CCDC7: variants seen among roughly 807,000 people sequenced by gnomAD.
CCDC7 encodes the protein coiled-coil domain-containing protein 7.
Under a neutral mutation model 196.9 loss-of-function variants are expected in CCDC7, and 183 were observed. The observed-to-expected ratio is 0.93, with a 90% CI of 0.82 to 1.05. The LOEUF is 1.05. Among genes scored for constraint, CCDC7 ranks in the 50% least tolerant of loss-of-function variants. The pLI, the probability that CCDC7 is intolerant of heterozygous loss-of-function variation, is 0.00. For missense variants in CCDC7, 1,540 were observed against 1,482.2 expected (o/e 1.04, Z -0.64); for synonymous variants, 525 against 484.6 (o/e 1.08, Z -1.10).
chr10:32,726,958 A>C, intron 26 of CCDC7, 126 bp downstream of exon 27: 1 of 592,224 alleles, frequency 1.7e-6, no homozygotes, highest in South Asian at 2.7e-5. Context: ...CTTTGCCCTG[A>C]AGTCTTAAGA....
At chr10:32,598,440 C>A (rs904780998) in intron 18 of CCDC7, among the ~76,000 whole-genome samples, 3 of 152,322 alleles carry the variant, frequency 2.0e-5, no homozygotes, top group South Asian at 2.1e-4. Context: ...ATTCCCTGAT[C>A]CCTTGAGCTT....
intron 22 of CCDC7, among the ~76,000 whole-genome samples, chr10:32,688,159 G>T (rs1198338167): frequency 1.3e-5 from 2 of 152,028 alleles, no homozygotes; most frequent in East Asian, 3.9e-4. Flanking sequence ...CACTATACAC[G>T]GTGCCACTGT....
Position 32,694,927 on chromosome 10 carries a change from C to G in CCDC7, c.2393C>G (p.Ser798Ter), listed in dbSNP as rs2141334153. Reference sequence around the variant, plus strand: ...AATCTTGTGCTTGAACATCAAGATTCAGTGTCAAAACTGGAAATGCAAATT... The same window carrying G: ...AATCTTGTGCTTGAACATCAAGATTGAGTGTCAAAACTGGAAATGCAAATT... Residue 798 changes from serine to a stop codon, truncating the protein, a stop_gained, in exon 24 of 42, where the codon TCA becomes TGA. Transcript: ENST00000639629. LOFTEE classifies it high-confidence loss of function. The G allele has an allele frequency of 6.2e-7, 1 of 1,606,046 alleles. No homozygotes were observed. The highest frequency in any genetic ancestry group is 2.2e-5 in the East Asian group (1 of 44,606).
intron 41 of CCDC7, among the ~76,000 whole-genome samples, chr10:32,860,654 T>G (rs942352716): frequency 6.6e-6 from 1 of 152,148 alleles, no homozygotes; most frequent in Non-Finnish European, 1.5e-5. Context: ...TGATTGTATA[T>G]TTAGAAAACC....
chr10:32,486,319 C>T (rs1244826447), intron 8 of CCDC7, among the ~76,000 whole-genome samples: 4 of 151,494 alleles, frequency 2.6e-5, no homozygotes, highest in South Asian at 2.1e-4. Context: ...AGGATTGCAA[C>T]CCCTGCCTTT....
chr10:32,532,141 T>A (rs2049775080), intron 11 of CCDC7, among the ~76,000 whole-genome samples: 1 of 152,106 alleles, frequency 6.6e-6, no homozygotes, highest in South Asian at 2.1e-4. Flanking sequence ...TTATTTGAAG[T>A]CTTTCTACTT....
At chr10:32,620,250 C>A (rs1288667077) in intron 18 of CCDC7, among the ~76,000 whole-genome samples, 1 of 151,942 alleles carries the variant, frequency 6.6e-6, no homozygotes, top group Non-Finnish European at 1.5e-5. Context: ...TCTGTTATTG[C>A]ATTTTAGGTT....
intron 28 of CCDC7, among the ~76,000 whole-genome samples, chr10:32,745,343 GT>G (rs2074534569): frequency 6.6e-6 from 1 of 152,274 alleles, no homozygotes; most frequent in South Asian, 2.1e-4. Context: ...AAGAAAACAG[GT>G]TTATTTGGTT....
chr10:32,548,055 G>T (rs150920350), intron 13 of CCDC7, among the ~76,000 whole-genome samples: 1 of 152,076 alleles, frequency 6.6e-6, no homozygotes, highest in Non-Finnish European at 1.5e-5. Flanking sequence ...ATTTGGTGCC[G>T]CCAAAGAAAC....
Position 32,748,832 on chromosome 10 carries a change from C to A in CCDC7, c.2905+19375C>A, listed in dbSNP as rs573789597. Among the ~76,000 whole-genome samples the A allele has an allele frequency of 1.4e-4, 22 of 152,232 alleles. No homozygotes were observed. The South Asian group carries it at 4.6e-3, about 32-fold the overall frequency. On this transcript the variant is annotated intron_variant, in intron 28 of 41. Coordinates refer to ENST00000639629, the Ensembl canonical transcript of CCDC7. ...AAAAAGTACGTGTCCTGAGAGCAGA[C>A]CTTGTTAAGAAGAACAGACTGCTCT... is the stretch of plus-strand genomic sequence containing the variant.
chr10:32,870,937 G>A (rs2094405333), intron 41 of CCDC7, among the ~76,000 whole-genome samples: 1 of 152,190 alleles, frequency 6.6e-6, no homozygotes, highest in Non-Finnish European at 1.5e-5. Flanking sequence ...GCATCCCAGG[G>A]ATGAAGCCCA....
intron 8 of CCDC7, among the ~76,000 whole-genome samples, chr10:32,485,488 A>G (rs1026506914): frequency 6.6e-6 from 1 of 151,812 alleles, no homozygotes; most frequent in Non-Finnish European, 1.5e-5. Flanking sequence ...TTGTGTCTCT[A>G]TTTCCTTCAG....
intron 11 of CCDC7, among the ~76,000 whole-genome samples, chr10:32,533,721 T>C (rs1454931381): frequency 6.6e-6 from 1 of 152,112 alleles, no homozygotes; most frequent in Non-Finnish European, 1.5e-5. Flanking sequence ...GAAAATCTCA[T>C]TCTATTGCCT....
chr10:32,760,599 G>A (rs1040356151), intron 28 of CCDC7, among the ~76,000 whole-genome samples: 1 of 152,076 alleles, frequency 6.6e-6, no homozygotes, highest in African/African-American at 2.4e-5. Context: ...CTGTTGTGGG[G>A]TGGGAGGATG....
chr10:32,861,110 A>G (rs570279452), intron 41 of CCDC7, among the ~76,000 whole-genome samples: 2 of 120,478 alleles, frequency 1.7e-5, no homozygotes, highest in East Asian at 5.1e-4. Flanking sequence ...CAAGACAATC[A>G]TAAGCAAAAA....
intron 8 of CCDC7, among the ~76,000 whole-genome samples, chr10:32,478,999 A>T (rs2134079653): frequency 6.6e-6 from 1 of 152,246 alleles, no homozygotes; most frequent in South Asian, 2.1e-4. Context: ...CCTATTCATA[A>T]TATCAATTTC....
intron 1 of CCDC7, among the ~76,000 whole-genome samples, chr10:32,452,392 C>T (rs2033304680): frequency 1.3e-5 from 2 of 152,198 alleles, no homozygotes; most frequent in African/African-American, 4.8e-5. Flanking sequence ...TAAGGCCAAC[C>T]TTGCAAGCAG....
intron 20 of CCDC7, among the ~76,000 whole-genome samples, chr10:32,635,575 A>G (rs1291155779): frequency 6.6e-6 from 1 of 152,192 alleles, no homozygotes; most frequent in Non-Finnish European, 1.5e-5. Flanking sequence ...TCTTGAAGCC[A>G]GGAATTCAAG....
intron 29 of CCDC7, among the ~76,000 whole-genome samples, chr10:32,794,003 T>C (rs2083142327): frequency 6.6e-6 from 1 of 152,188 alleles, no homozygotes; most frequent in African/African-American, 2.4e-5. Context: ...ATGTGGAGGT[T>C]TGTTACATGG....
Sources: gnomAD v4.1 joint callset for allele counts (sites outside exome capture counted in the v4.1 genomes callset) on GRCh38, gnomAD v4.1.1 for gene constraint, MANE v1.5 for transcripts, NCBI Gene and HGNC (gene_info 2026-07-23, HGNC 2026-07-21) for gene names.